The following CBLB variants were observed in gnomAD, a reference collection of about 807,000 sequenced individuals.
CBLB encodes E3 ubiquitin-protein ligase CBL-B.
Under a neutral mutation model 104.9 loss-of-function variants are expected in CBLB, and 31 were observed. The ratio of observed to expected loss-of-function variants is 0.30; its 90% CI spans 0.22 to 0.40. CBLB has a LOEUF of 0.40. Among genes scored for constraint, CBLB ranks in the 10% least tolerant of loss-of-function variants. The pLI is 1.00. For missense variants in CBLB, 1,062 were observed against 1,214.6 expected, an observed-to-expected ratio of 0.87 and a Z score of 1.87; for synonymous variants, 440 against 422.6, an observed-to-expected ratio of 1.04 and a Z score of -0.51.
At chr3:105,866,979 C>T (rs1456128495) in intron 2 of CBLB, among the ~76,000 whole-genome samples, 7 of 152,236 alleles carry the variant, frequency 4.6e-5, no homozygotes, top group African/African-American at 9.6e-5. Context: ...AAGAACTAAT[C>T]TGTTTCTTTC....
At chr3:105,663,671 GGGAATTA>G (rs772173826) in intron 18 of CBLB, among the ~76,000 whole-genome samples, 2 of 152,106 alleles carry the variant, frequency 1.3e-5, no homozygotes, top group Non-Finnish European at 2.9e-5. Context: ...TGGATTGCAT[GGGAATTA>G]GCCTAACATG....
intron 4 of CBLB, among the ~76,000 whole-genome samples, chr3:105,774,088 G>A (rs1240638136): frequency 1.3e-5 from 2 of 152,222 alleles, no homozygotes; most frequent in Non-Finnish European, 2.9e-5. Flanking sequence ...TAGATCTTGA[G>A]GGCGCTGCCC....
chr3:105,697,851 T>C (rs1037494164), intron 12 of CBLB, among the ~76,000 whole-genome samples: 2 of 152,016 alleles, frequency 1.3e-5, no homozygotes, highest in Admixed American at 1.3e-4. Context: ...ATAATGACAG[T>C]TGGGTATAAT....
At chr3:105,693,114 C>G (rs976339376) in intron 13 of CBLB, among the ~76,000 whole-genome samples, 3 of 151,660 alleles carry the variant, frequency 2.0e-5, no homozygotes, top group African/African-American at 4.8e-5. Context: ...AAATGAGAAA[C>G]CTGGTGGAAC....
chr3:105,725,346 A>G (rs905633955), intron 9 of CBLB, among the ~76,000 whole-genome samples: 2 of 152,340 alleles, frequency 1.3e-5, no homozygotes, highest in African/African-American at 4.8e-5. Flanking sequence ...GAATGAGTCT[A>G]CATTCTAAAC....
chr3:105,687,333 G>A (rs1450243332), intron 13 of CBLB, among the ~76,000 whole-genome samples: 1 of 152,030 alleles, frequency 6.6e-6, no homozygotes, highest in Non-Finnish European at 1.5e-5. Flanking sequence ...GTCAACAATG[G>A]ACCATTTTTT....
chr3:105,824,992 C>G (rs1437189276), intron 3 of CBLB, among the ~76,000 whole-genome samples: 1 of 152,156 alleles, frequency 6.6e-6, no homozygotes, highest in African/African-American at 2.4e-5. Context: ...CTCTCCTTTT[C>G]TCTCCTCCTA....
Position 105,681,448 on chromosome 3 carries a change from G to A in CBLB, c.2428+31C>T, listed in dbSNP as rs114780053. The A allele has an allele frequency of 2.5e-4, 396 of 1,606,810 alleles. No individual in the cohort carries two copies. In the African/African-American group the frequency reaches 3.8e-3, roughly 15 times the overall value. On this transcript the variant is annotated intron_variant, in intron 16 of 18. Transcript: ENST00000394030. Reference sequence around the variant, plus strand: ...TCTGAAATTAAAAGAAGGAGGGGTGGGTTGTTCAAAACTTTTTTAAAGGTT... The same window carrying A: ...TCTGAAATTAAAAGAAGGAGGGGTGAGTTGTTCAAAACTTTTTTAAAGGTT...
chr3:105,750,644 C>T lies in CBLB; in HGVS notation c.723+818G>A, dbSNP rs532109741. The stretch of plus-strand genomic sequence containing the variant: ...TAGTGGCAGAGTCAATCTCAAAACA[C>T]AAATTTCAAGTCTTCATGTTTAAGA... On this transcript the variant is annotated intron_variant, in intron 5 of 18. Coordinates refer to ENST00000394030, the MANE Select transcript of CBLB (RefSeq NM_170662.5). 3.3e-5 allele frequency among the ~76,000 whole-genome samples: 5 copies of T among 152,238 alleles called. No homozygotes were observed. In the East Asian group the frequency reaches 9.6e-4, roughly 29 times the overall value.
At chr3:105,669,028 A>G (rs2152692804) in intron 18 of CBLB, among the ~76,000 whole-genome samples, 2 of 151,988 alleles carry the variant, frequency 1.3e-5, no homozygotes, top group South Asian at 4.2e-4. Context: ...TACAGACATC[A>G]GCTATTCTTC....
At chr3:105,851,326 A>G (rs923940814) in intron 3 of CBLB, among the ~76,000 whole-genome samples, 1 of 152,210 alleles carries the variant, frequency 6.6e-6, no homozygotes, top group Non-Finnish European at 1.5e-5. Flanking sequence ...CACTGTGGAG[A>G]AGGCAAAACT....
intron 3 of CBLB, among the ~76,000 whole-genome samples, chr3:105,793,167 T>C (rs2081889492): frequency 6.6e-6 from 1 of 152,068 alleles, no homozygotes; most frequent in Non-Finnish European, 1.5e-5. Context: ...TGGTGGGATG[T>C]TGAATGCAAC....
chr3:105,806,105 A>G (rs1182098104), intron 3 of CBLB, among the ~76,000 whole-genome samples: 1 of 152,176 alleles, frequency 6.6e-6, no homozygotes. Flanking sequence ...TGGGTTTAAA[A>G]ACTCAGAAAT....
In CBLB at chr3:105,776,572, A is replaced by G. The variant is rs767883120; in HGVS notation, c.420-30T>C. ...AGGCACAAGGGAAAAAAATGAAGATAAGAAATAAACACCTAGATGCATGCA... is the reference window on the plus strand; with the variant it reads ...AGGCACAAGGGAAAAAAATGAAGATGAGAAATAAACACCTAGATGCATGCA... On this transcript the variant is annotated intron_variant, in intron 3 of 18. Coordinates refer to ENST00000394030, the MANE Select transcript of CBLB (RefSeq NM_170662.5). 71 of 1,611,030 alleles carry G rather than the reference A, an allele frequency of 4.4e-5. 1 individual carries two copies. The East Asian group carries it at 1.5e-3, about 34-fold the overall frequency.
At chr3:105,709,787 G>C (rs113161694) in intron 10 of CBLB, among the ~76,000 whole-genome samples, 1,601 of 151,958 alleles carry the variant, frequency 0.011, 12 homozygotes, top group Non-Finnish European at 0.016. Context: ...ATGTAACCGT[G>C]TCGAATTTAT....
At chr3:105,865,742 CA>C (rs1287049707) in intron 2 of CBLB, among the ~76,000 whole-genome samples, 3 of 152,150 alleles carry the variant, frequency 2.0e-5, no homozygotes, top group Non-Finnish European at 4.4e-5. Context: ...TGTCCTAACA[CA>C]AATGTACAAA....
At chr3:105,661,931 T>C (rs1308394665) in intron 18 of CBLB, among the ~76,000 whole-genome samples, 3 of 152,300 alleles carry the variant, frequency 2.0e-5, no homozygotes, top group Middle Eastern at 3.4e-3. Context: ...ATAAGTGCTA[T>C]ACTCAAATGC....
intron 3 of CBLB, among the ~76,000 whole-genome samples, chr3:105,827,953 G>C (rs929269103): frequency 6.6e-6 from 1 of 152,172 alleles, no homozygotes; most frequent in African/African-American, 2.4e-5. Context: ...GCATGGTAAT[G>C]TATTTTATAC....
chr3:105,697,101 C>A (rs969149274), intron 12 of CBLB, among the ~76,000 whole-genome samples: 1 of 151,874 alleles, frequency 6.6e-6, no homozygotes, highest in Non-Finnish European at 1.5e-5. Context: ...CTGTCTCATC[C>A]TGACTAGCTT....
Sources: gnomAD v4.1 joint callset for allele counts (sites outside exome capture counted in the v4.1 genomes callset) on GRCh38, gnomAD v4.1.1 for gene constraint, MANE v1.5 for transcripts, NCBI Gene and HGNC (gene_info 2026-07-23, HGNC 2026-07-21) for gene names.